Variants in TRMT11 observed in about 807,000 individuals in gnomAD.
TRMT11 encodes tRNA (guanine(10)-N(2))-methyltransferase TRMT11.
TRMT11 carries 53 observed loss-of-function variants against 62.8 expected under a neutral mutation model. The observed-to-expected ratio is 0.84, with a 90% CI of 0.68 to 1.06. TRMT11 has a LOEUF of 1.06. TRMT11 is among the 50% of genes least tolerant of loss of function. The pLI is 0.00. For missense variants in TRMT11, 556 were observed against 553.4 expected, an observed-to-expected ratio of 1.00 and a Z score of -0.05; for synonymous variants, 188 against 190.3, an observed-to-expected ratio of 0.99 and a Z score of 0.10.
chr6:126,001,229 A>G lies in TRMT11; in HGVS notation c.679+1616A>G, dbSNP rs185535236. Among the ~76,000 whole-genome samples the G allele has an allele frequency of 3.0e-4, 45 of 152,214 alleles. No homozygotes were observed. In the East Asian group the frequency reaches 8.5e-3, roughly 29 times the overall value. Reference sequence around the variant, plus strand: ...CAGTAATATTAATATTTTTGACAGCATCCTTTTCCCTTTCCTGGCTAGGAT... The same window carrying G: ...CAGTAATATTAATATTTTTGACAGCGTCCTTTTCCCTTTCCTGGCTAGGAT... On this transcript the variant is annotated intron_variant, in intron 7 of 12. Coordinates refer to ENST00000334379, the MANE Select transcript of TRMT11 (RefSeq NM_001031712.3).
chr6:126,260,393 A>G, the TRMT11 span, among the ~76,000 whole-genome samples: 1 of 152,162 alleles, frequency 6.6e-6, no homozygotes, highest in Non-Finnish European at 1.5e-5. Flanking sequence ...CTAGCCACTA[A>G]TTGTAACTGT....
At chr6:126,040,655 G>A (rs868852401), downstream of TRMT11, among the ~76,000 whole-genome samples, 1 of 152,010 alleles carries the variant, frequency 6.6e-6, no homozygotes, top group Non-Finnish European at 1.5e-5. Flanking sequence ...CTGCATTTCA[G>A]AAAGTCCTGT....
chr6:126,012,542 T>C (rs1304319397), intron 9 of TRMT11, among the ~76,000 whole-genome samples: 1 of 152,228 alleles, frequency 6.6e-6, no homozygotes, highest in Non-Finnish European at 1.5e-5. Context: ...CTCCTTTAAT[T>C]TGTAACACTT....
chr6:126,113,309 T>C (rs1277584956), intron 18 of TRMT11, among the ~76,000 whole-genome samples: 1 of 152,090 alleles, frequency 6.6e-6, no homozygotes, highest in Non-Finnish European at 1.5e-5. Flanking sequence ...GATGATAAAC[T>C]GTATGGTCTT....
At chr6:126,136,766 G>C (rs1777854859) in intron 21 of TRMT11, among the ~76,000 whole-genome samples, 1 of 151,664 alleles carries the variant, frequency 6.6e-6, no homozygotes, top group African/African-American at 2.4e-5. Flanking sequence ...TAACAGCATA[G>C]TACTGGCATA....
intron 2 of TRMT11, among the ~76,000 whole-genome samples, chr6:125,994,344 A>G (rs1352911290): frequency 7.0e-6 from 1 of 143,132 alleles, no homozygotes; most frequent in South Asian, 2.2e-4. Flanking sequence ...TTTTTTCCCT[A>G]TTGTAATTCT....
intron 17 of TRMT11, among the ~76,000 whole-genome samples, chr6:126,084,894 A>G (rs1044651812): frequency 3.9e-5 from 6 of 152,202 alleles, no homozygotes; most frequent in African/African-American, 1.4e-4. Flanking sequence ...TCATAGAAAC[A>G]GAGAGTAGAA....
intron 21 of TRMT11, among the ~76,000 whole-genome samples, chr6:126,142,506 A>G (rs1009013541): frequency 6.6e-6 from 1 of 152,156 alleles, no homozygotes; most frequent in Non-Finnish European, 1.5e-5. Context: ...GCGTTAAGAA[A>G]TAACAGAAAG....
At chr6:126,113,576 C>T (rs1156688917) in intron 18 of TRMT11, among the ~76,000 whole-genome samples, 1 of 152,072 alleles carries the variant, frequency 6.6e-6, no homozygotes, top group African/African-American at 2.4e-5. Context: ...ATCAATTCTA[C>T]ATTTACTGAG....
At chr6:126,029,784 A>G (rs2875871) in intron 12 of TRMT11, among the ~76,000 whole-genome samples, 88,086 of 152,054 alleles carry the variant, frequency 0.58, 27,173 homozygotes, top group East Asian at 0.95. Context: ...TTTATCATTT[A>G]AGATAAAGTT....
chr6:126,001,388 T>G (rs1444226735), intron 7 of TRMT11, among the ~76,000 whole-genome samples: 1 of 152,072 alleles, frequency 6.6e-6, no homozygotes, highest in East Asian at 1.9e-4. Flanking sequence ...ATCTAATTTT[T>G]TCCTCATTTT....
rs551469472 is a variant in TRMT11, at chr6:126,003,906, A to G, written c.679+4293A>G. 2.6e-5 allele frequency among the ~76,000 whole-genome samples: 4 copies of G among 152,096 alleles called. No homozygotes were observed. The South Asian group carries it at 8.3e-4, about 32-fold the overall frequency. ...TTTCCCCACACTCAAGTTATAGAGGAATTCATTTGTGTTTTCTTCTAGTGC... is the reference window on the plus strand; with the variant it reads ...TTTCCCCACACTCAAGTTATAGAGGGATTCATTTGTGTTTTCTTCTAGTGC... On this transcript the variant is annotated intron_variant, in intron 7 of 12. Transcript: ENST00000334379.
intron 21 of TRMT11, among the ~76,000 whole-genome samples, chr6:126,129,497 T>C (rs916392795): frequency 3.3e-5 from 5 of 152,074 alleles, no homozygotes; most frequent in African/African-American, 1.2e-4. Flanking sequence ...GGGTTTTCAA[T>C]CTATTTTATA....
At chr6:126,081,846 C>A (rs1006230401) in intron 17 of TRMT11, among the ~76,000 whole-genome samples, 1 of 152,038 alleles carries the variant, frequency 6.6e-6, no homozygotes, top group African/African-American at 2.4e-5. Context: ...ATGTGCATAG[C>A]AAATAGGGAT....
At chr6:126,204,183 A>G (rs1433537268), downstream of TRMT11, among the ~76,000 whole-genome samples, 1 of 152,248 alleles carries the variant, frequency 6.6e-6, no homozygotes, top group East Asian at 1.9e-4. Flanking sequence ...CATTACAGAT[A>G]TTATAAGCAT....
chr6:126,123,131 G>A (rs1777668604), intron 21 of TRMT11, among the ~76,000 whole-genome samples: 1 of 152,072 alleles, frequency 6.6e-6, no homozygotes. Flanking sequence ...AGGATAAAAT[G>A]AGCTAATGTC....
At position 126,066,702 on chromosome 6, in the gene TRMT11, C is replaced by T. The variant is rs1230200556; in HGVS notation, c.*1437+13512C>T. Reference sequence around the variant, plus strand: ...ACCCTGTAGTCAGGATACTCCATTCCTTTGCCTAGAGATGCTTGTAAGCCC... The same window carrying T: ...ACCCTGTAGTCAGGATACTCCATTCTTTTGCCTAGAGATGCTTGTAAGCCC... On this transcript the variant is annotated intron_variant and NMD_transcript_variant, in intron 17 of 22. Coordinates refer to the TRMT11 transcript ENST00000648977. 2.0e-5 allele frequency among the ~76,000 whole-genome samples: 3 copies of T among 152,086 alleles called. 1 individual carries two copies. The highest frequency in any genetic ancestry group is 4.1e-4 in the South Asian group (2 of 4,828).
chr6:126,132,561 T>C (rs1777798074), intron 21 of TRMT11, among the ~76,000 whole-genome samples: 1 of 152,034 alleles, frequency 6.6e-6, no homozygotes, highest in African/African-American at 2.4e-5. Context: ...GTCTAATGAG[T>C]GCTGGTGAGA....
the TRMT11 span, among the ~76,000 whole-genome samples, chr6:126,252,808 T>C: frequency 6.6e-6 from 1 of 152,236 alleles, no homozygotes; most frequent in Admixed American, 6.5e-5. Context: ...GTTTTACCTA[T>C]TGAACTTTTC....
Sources: gnomAD v4.1 joint callset for allele counts (sites outside exome capture counted in the v4.1 genomes callset) on GRCh38, gnomAD v4.1.1 for gene constraint, MANE v1.5 for transcripts, NCBI Gene and HGNC (gene_info 2026-07-23, HGNC 2026-07-21) for gene names.